Variants in KAZN observed in about 807,000 individuals in gnomAD.
The protein encoded by KAZN is kazrin.
KAZN carries 40 observed loss-of-function variants against 87.4 expected under a neutral mutation model. The ratio of observed to expected loss-of-function variants is 0.46; its 90% CI spans 0.36 to 0.60. The LOEUF is 0.60. Ranked by LOEUF, KAZN falls within the 20% of genes least tolerant of loss-of-function variation. KAZN has a pLI of 0.00. For synonymous variants in KAZN, 466 were observed against 458.3 expected, an observed-to-expected ratio of 1.02 and a Z score of -0.22; for missense variants, 898 against 1,073.9, an observed-to-expected ratio of 0.84 and a Z score of 2.29.
At chr1:13,917,396 G>A (rs1243087770) in intron 1 of KAZN, among the ~76,000 whole-genome samples, 1 of 152,242 alleles carries the variant, frequency 6.6e-6, no homozygotes, top group Non-Finnish European at 1.5e-5. Context: ...TGGCTTCCAA[G>A]TTTCAAAGGA....
intron 2 of KAZN, among the ~76,000 whole-genome samples, chr1:14,419,940 T>C (rs571328029): frequency 2.0e-5 from 3 of 152,094 alleles, no homozygotes; most frequent in South Asian, 2.1e-4. Flanking sequence ...GAACAAAACT[T>C]CCACAAGGTG....
At chr1:14,111,147 C>A (rs1417240906) in intron 1 of KAZN, among the ~76,000 whole-genome samples, 1 of 134,244 alleles carries the variant, frequency 7.4e-6, no homozygotes, top group Non-Finnish European at 1.6e-5. Flanking sequence ...CTATGCCAGA[C>A]ATTAGGCAAA....
At chr1:15,108,843 C>T (rs1214754321) in intron 13 of KAZN, among the ~76,000 whole-genome samples, 1 of 152,154 alleles carries the variant, frequency 6.6e-6, no homozygotes, top group South Asian at 2.1e-4. Context: ...GTACCATTTC[C>T]TCGAGGTCTA....
At chr1:14,870,503 G>T (rs573238144) in intron 1 of KAZN, among the ~76,000 whole-genome samples, 1 of 152,216 alleles carries the variant, frequency 6.6e-6, no homozygotes, top group East Asian at 1.9e-4. Context: ...TACCACACTG[G>T]CTAATTTTTG....
chr1:14,924,823 G>A (rs1042152870), intron 1 of KAZN, among the ~76,000 whole-genome samples: 1 of 152,152 alleles, frequency 6.6e-6, no homozygotes, highest in Non-Finnish European at 1.5e-5. Flanking sequence ...GCCGGAGCCA[G>A]GCGATCCCGC....
At chr1:14,397,759 G>T (rs1663022047) in intron 2 of KAZN, among the ~76,000 whole-genome samples, 1 of 151,510 alleles carries the variant, frequency 6.6e-6, no homozygotes, top group Non-Finnish European at 1.5e-5. Context: ...TACTTGGGAG[G>T]CTGAGATAGG....
chr1:14,870,963 G>C (rs566734834), intron 1 of KAZN, among the ~76,000 whole-genome samples: 18 of 152,340 alleles, frequency 1.2e-4, no homozygotes, highest in Admixed American at 3.3e-4. Context: ...AACCCAGAAG[G>C]CTTGTCTGAT....
intron 2 of KAZN, among the ~76,000 whole-genome samples, chr1:14,567,181 G>T (rs1013093668): frequency 6.6e-6 from 1 of 152,068 alleles, no homozygotes; most frequent in African/African-American, 2.4e-5. Flanking sequence ...TCATTGTAGG[G>T]TTATTAGATG....
intron 1 of KAZN, among the ~76,000 whole-genome samples, chr1:14,722,618 T>C (rs1430111353): frequency 1.3e-5 from 2 of 152,228 alleles, no homozygotes; most frequent in Non-Finnish European, 2.9e-5. Flanking sequence ...CTTTACTTTG[T>C]CTATTACTTG....
chr1:14,566,806 T>G (rs1263590098), intron 2 of KAZN, among the ~76,000 whole-genome samples: 1 of 152,252 alleles, frequency 6.6e-6, no homozygotes, highest in Non-Finnish European at 1.5e-5. Flanking sequence ...TTCTGCAGCT[T>G]CCTCCCATCT....
intron 2 of KAZN, among the ~76,000 whole-genome samples, chr1:14,393,522 T>C (rs1662631383): frequency 6.6e-6 from 1 of 152,110 alleles, no homozygotes; most frequent in Non-Finnish European, 1.5e-5. Context: ...ATCAAGGAAA[T>C]ACACGCTTTG....
chr1:14,876,433 T>C (rs1354390061), intron 1 of KAZN, among the ~76,000 whole-genome samples: 1 of 152,200 alleles, frequency 6.6e-6, no homozygotes, highest in East Asian at 1.9e-4. Flanking sequence ...GAACAGATGC[T>C]TGGGAGGACA....
chr1:13,897,008 A>C (rs940458495), intron 1 of KAZN, among the ~76,000 whole-genome samples: 2 of 152,194 alleles, frequency 1.3e-5, no homozygotes, highest in African/African-American at 4.8e-5. Flanking sequence ...TGGGAAGAGC[A>C]TGTGGTTCTT....
At chr1:15,040,443 T>A (rs2100293808) in intron 3 of KAZN, among the ~76,000 whole-genome samples, 1 of 152,160 alleles carries the variant, frequency 6.6e-6, no homozygotes, top group Admixed American at 6.5e-5. Context: ...ACAAGGCTGC[T>A]GAGAAAGGAG....
Position 13,978,348 on chromosome 1 carries a change from CAAG to C in KAZN, c.91+84598_91+84600del, listed in dbSNP as rs577432299. Reference sequence around the variant, plus strand: ...CCTAGGAAATAGGACCTGAAAATCACAAGAAGAAAGATCTATAGTGATCCCAAT... The same window carrying C: ...CCTAGGAAATAGGACCTGAAAATCACAAGAAAGATCTATAGTGATCCCAAT... On this transcript the variant is annotated intron_variant, in intron 1 of 16. Transcript: ENST00000636203. Among the ~76,000 whole-genome samples, 478 of 151,750 alleles carry C rather than the reference CAAG, an allele frequency of 3.1e-3. 3 individuals carry two copies. Among genetic ancestry groups the C allele is most frequent in the African/African-American group, 0.011 (462 of 41,418 alleles).
chr1:14,901,363 G>A (rs943589635), intron 1 of KAZN, among the ~76,000 whole-genome samples: 4 of 152,220 alleles, frequency 2.6e-5, no homozygotes, highest in African/African-American at 7.2e-5. Context: ...AATAAGAAAG[G>A]ATGGAGTAGG....
At chr1:14,714,957 A>C (rs1255747416) in intron 1 of KAZN, among the ~76,000 whole-genome samples, 1 of 151,024 alleles carries the variant, frequency 6.6e-6, no homozygotes, top group South Asian at 2.1e-4. Flanking sequence ...ATCATGCCCA[A>C]CTAATTTTTT....
intron 1 of KAZN, among the ~76,000 whole-genome samples, chr1:14,718,467 C>T (rs1642922888): frequency 6.6e-6 from 1 of 152,196 alleles, no homozygotes; most frequent in South Asian, 2.1e-4. Flanking sequence ...TCACAATATC[C>T]TTTTTGTAAT....
chr1:14,935,132 C>T (rs967679074), intron 1 of KAZN, among the ~76,000 whole-genome samples: 1 of 152,244 alleles, frequency 6.6e-6, no homozygotes, highest in South Asian at 2.1e-4. Flanking sequence ...CTGGTTTTCC[C>T]TCTGCAGGGA....
Sources: allele counts gnomAD v4.1 joint callset (sites outside exome capture counted in the v4.1 genomes callset), GRCh38; gene constraint gnomAD v4.1.1; transcripts MANE v1.5; gene names NCBI Gene and HGNC (gene_info 2026-07-23, HGNC 2026-07-21).